EXOC3L2: variants seen among roughly 807,000 people sequenced by gnomAD.
EXOC3L2 encodes the protein exocyst complex component 3-like protein 2.
A neutral mutation model predicts 44.4 loss-of-function variants in EXOC3L2; 17 were observed. The observed-to-expected ratio is 0.38, with a 90% CI of 0.26 to 0.57. The LOEUF (loss-of-function observed/expected upper bound fraction) is 0.57. EXOC3L2 is among the 20% of genes least tolerant of loss of function. The pLI is 0.65. For synonymous variants in EXOC3L2, 256 were observed against 253.7 expected (o/e 1.01, Z -0.09); for missense variants, 541 against 588.4 (o/e 0.92, Z 0.83).
At chr19:45,227,951 C>T in intron 6 of EXOC3L2, 23 bp downstream of exon 6, 1 of 1,610,172 alleles carries the variant, frequency 6.2e-7, no homozygotes, top group Non-Finnish European at 8.5e-7. Context: ...GCAGAGCTAA[C>T]CTGTGCTCCC....
At chr19:45,233,677 G>C (rs891386922) in intron 3 of EXOC3L2, among the ~76,000 whole-genome samples, 3 of 152,282 alleles carry the variant, frequency 2.0e-5, no homozygotes, top group Admixed American at 2.0e-4. Context: ...ATAGGTTCTA[G>C]GTCTGAAAGG....
At chr19:45,242,526 A>C (rs1482371568) in intron 1 of EXOC3L2, among the ~76,000 whole-genome samples, 1 of 152,054 alleles carries the variant, frequency 6.6e-6, no homozygotes, top group Non-Finnish European at 1.5e-5. Flanking sequence ...CCAAAGTACT[A>C]GAATTACAGG....
At chr19:45,232,887 G>T (rs1180745050) in intron 3 of EXOC3L2, among the ~76,000 whole-genome samples, 1 of 152,034 alleles carries the variant, frequency 6.6e-6, no homozygotes, top group Non-Finnish European at 1.5e-5. Flanking sequence ...ACACCAGCCT[G>T]GCCAACATGG....
chr19:45,239,270 T>C (rs1175986845), intron 1 of EXOC3L2, among the ~76,000 whole-genome samples: 1 of 143,494 alleles, frequency 7.0e-6, no homozygotes, highest in Admixed American at 7.4e-5. Flanking sequence ...CAGGCTGGAG[T>C]GCAGTGGCAC....
intron 2 of EXOC3L2, among the ~76,000 whole-genome samples, chr19:45,237,733 T>C (rs995486318): frequency 6.6e-6 from 1 of 152,142 alleles, no homozygotes; most frequent in Non-Finnish European, 1.5e-5. Context: ...ATGTGAAGTC[T>C]TCACCCCAGT....
intron 4 of EXOC3L2, among the ~76,000 whole-genome samples, chr19:45,231,403 G>A (rs1210472433): frequency 2.2e-5 from 3 of 135,616 alleles, no homozygotes; most frequent in Non-Finnish European, 4.5e-5. Flanking sequence ...CAGGAGGATC[G>A]CTTGAGTCCA....
chr19:45,213,034 A>G lies in EXOC3L2; in HGVS notation c.*35T>C. 1 of 1,454,174 alleles carries G rather than the reference A, an allele frequency of 6.9e-7. No homozygotes were observed. Among genetic ancestry groups the G allele is most frequent in the Non-Finnish European group, 9.0e-7 (1 of 1,108,798 alleles). The allele number at this position is 1,454,174 out of a possible 1,614,324, so 90.1% of individuals were successfully genotyped here. On this transcript the variant is annotated 3_prime_UTR_variant, in exon 12 of 12. Coordinates refer to ENST00000413988, the MANE Select transcript of EXOC3L2 (RefSeq NM_001382422.1). The stretch of plus-strand genomic sequence containing the variant: ...CGGGAGGTTGGCTTGTCAGCAGCAT[A>G]GATGGGGTCACTAAGGCCGGCGGTT...
At chr19:45,225,066 G>T (rs925014369) in intron 7 of EXOC3L2, among the ~76,000 whole-genome samples, 153 bp from the exon 8 acceptor site, 1 of 150,004 alleles carries the variant, frequency 6.7e-6, no homozygotes, top group African/African-American at 2.5e-5. Context: ...GGGGTCAGGG[G>T]ATGCTTGACA....
rs369061873 is a variant in EXOC3L2, at chr19:45,240,215, G to A, written c.-16-1154C>T. ...AAACTCCTGGGCTCAAATGATCCTC[G>A]TACCTCAGCCTCCTCAGCAGCTGGG... On this transcript the variant is annotated intron_variant, in intron 1 of 11. Transcript: ENST00000413988. Among the ~76,000 whole-genome samples the A allele has an allele frequency of 4.5e-4, 67 of 148,324 alleles. 2 individuals are homozygous for A. In the East Asian group the frequency reaches 6.4e-3, roughly 14 times the overall value.
chr19:45,236,737 T>A (rs1364098526), intron 2 of EXOC3L2, among the ~76,000 whole-genome samples: 1 of 151,864 alleles, frequency 6.6e-6, no homozygotes, highest in Non-Finnish European at 1.5e-5. Context: ...TGACTCATGC[T>A]TGTAATCCCA....
At chr19:45,222,302 C>T (rs1049413980) in intron 8 of EXOC3L2, among the ~76,000 whole-genome samples, 60 of 151,162 alleles carry the variant, frequency 4.0e-4, no homozygotes, top group African/African-American at 1.5e-3. Flanking sequence ...CACGTTCAAG[C>T]GATTCTCCTG....
chr19:45,243,324 C>T (rs548134684), intron 1 of EXOC3L2, among the ~76,000 whole-genome samples: 9 of 152,098 alleles, frequency 5.9e-5, no homozygotes, highest in Non-Finnish European at 7.4e-5. Context: ...TGCAGACGTG[C>T]GGGGGTGGAC....
rs746829834 is a variant in EXOC3L2, at chr19:45,240,287, ATTT to A, written c.-16-1229_-16-1227del. Among the ~76,000 whole-genome samples, 75 of 150,976 alleles carry A rather than the reference ATTT, an allele frequency of 5.0e-4. 1 individual carries two copies. The highest frequency in any genetic ancestry group is 1.7e-3 in the Admixed American group (26 of 15,052). ...GCCCACTTAATTAATTAATTAATTT[ATTT>A]ATTTATTTATTGAGACAGGGTCTTG... On this transcript the variant is annotated intron_variant, in intron 1 of 11. Transcript: ENST00000413988.
rs1031957059 is a variant in EXOC3L2 at position 45,212,926 on chromosome 19, T to C, written c.*143A>G. ...TTGTTTCCCTTCTGTACAGGGAGTT[T>C]GGGGTTGGGTGAAAAGACATCTAAG... On this transcript the variant is annotated 3_prime_UTR_variant, in exon 12 of 12. Transcript: ENST00000413988. 1.5e-5 allele frequency: 14 copies of C among 939,090 alleles called. No homozygotes were observed. The East Asian group carries it at 3.5e-4, about 23-fold the overall frequency. 58.2% of individuals were successfully genotyped at this position (939,090 alleles called of 1,614,324 possible). A position where few individuals can be genotyped will look rare whatever the true frequency, so the allele number is the denominator to read the frequency against.
At chr19:45,226,519 C>G (rs1969962198) in intron 7 of EXOC3L2, among the ~76,000 whole-genome samples, 2 of 152,052 alleles carry the variant, frequency 1.3e-5, no homozygotes, top group African/African-American at 4.8e-5. Flanking sequence ...TCACTGCAAC[C>G]TCCACCTCCC....
intron 1 of EXOC3L2, among the ~76,000 whole-genome samples, chr19:45,240,622 G>A (rs766776251): frequency 7.9e-5 from 12 of 152,310 alleles, no homozygotes; most frequent in Admixed American, 1.3e-4. Context: ...AAGGCCAGGC[G>A]TGGTCGCTCA....
intron 3 of EXOC3L2, among the ~76,000 whole-genome samples, chr19:45,233,072 T>C (rs772331940): frequency 1.3e-5 from 2 of 151,994 alleles, no homozygotes; most frequent in Non-Finnish European, 2.9e-5. Flanking sequence ...AGAAATTAGC[T>C]GTGCATGATG....
rs1013439611 is a variant in EXOC3L2 at position 45,238,681 on chromosome 19, G to A, written c.365C>T (p.Ala122Val). 7.5e-6 allele frequency: 3 copies of A among 399,146 alleles called. No homozygotes were observed. Among genetic ancestry groups the A allele is most frequent in the Middle Eastern group, 6.3e-4 (1 of 1,588 alleles). The allele number at this position is 399,146 out of a possible 1,614,324, so 24.7% of individuals were successfully genotyped here. A position where few individuals can be genotyped will look rare whatever the true frequency, so the allele number is the denominator to read the frequency against. Residue 122 changes from alanine (A) to valine (V), a missense_variant, in exon 2 of 12, where the codon GCG becomes GTG. Coordinates refer to ENST00000413988, the MANE Select transcript of EXOC3L2 (RefSeq NM_001382422.1). This position sits in a 1 kb window ranked among gnomAD's most constrained non-coding sequence, Gnocchi z 5.5. The stretch of plus-strand genomic sequence containing the variant: ...GGCCAGTCTCCGGGCGGCCTCCCCC[G>A]CTGCCTCCTCGTCGCCGTGGGCTCG... ...GTRAHGDEEA[A>V]GEAARRLAFL...
intron 10 of EXOC3L2, among the ~76,000 whole-genome samples, chr19:45,217,200 C>T (rs1168979684): frequency 6.6e-6 from 1 of 151,942 alleles, no homozygotes; most frequent in Non-Finnish European, 1.5e-5. Flanking sequence ...TTTGGTAATG[C>T]AAGGAGTTTT....
Sources: gnomAD v4.1 joint callset for allele counts (sites outside exome capture counted in the v4.1 genomes callset) on GRCh38, gnomAD v4.1.1 for gene constraint, Gnocchi (gnomAD v3.1) non-coding constraint, MANE v1.5 for transcripts, NCBI Gene and HGNC (gene_info 2026-07-23, HGNC 2026-07-21) for gene names.